Variants in PBX1 observed in about 807,000 individuals in gnomAD.
The protein encoded by PBX1 is pre-B-cell leukemia transcription factor 1.
PBX1 carries 6 observed loss-of-function variants against 53.4 expected under a neutral mutation model. The observed-to-expected ratio is 0.11, with a 90% CI of 0.06 to 0.22. PBX1 has a LOEUF of 0.22. PBX1 is among the 10% of genes least tolerant of loss of function. The pLI is 1.00. For missense variants in PBX1, 251 were observed against 551.4 expected, an observed-to-expected ratio of 0.46 and a Z score of 5.46; for synonymous variants, 204 against 212.3, an observed-to-expected ratio of 0.96 and a Z score of 0.34.
At chr1:164,652,094 T>TTG (rs1659863348) in intron 2 of PBX1, 1 of 151,842 alleles carries the variant, frequency 6.6e-6, no homozygotes, top group Admixed American at 6.6e-5. Context: ...AGGGAGTCTC[T>TTG]GTCACCAGGC....
Position 164,591,286 on chromosome 1 carries a change from A to G in PBX1, c.265+27975A>G, listed in dbSNP as rs148239943. On this transcript the variant is annotated intron_variant, in intron 2 of 8. Coordinates refer to ENST00000420696, the MANE Select transcript of PBX1 (RefSeq NM_002585.4). ...CTCAGCTTCCCAAAGTGCTGGGATT[A>G]CAGGCGTCAGCCACCGCTCCTGGCC... Among the ~76,000 whole-genome samples, 932 of 152,282 alleles carry G rather than the reference A, an allele frequency of 6.1e-3. 8 individuals carry two copies. Among genetic ancestry groups the G allele is most frequent in the African/African-American group, 0.02 (845 of 41,552 alleles).
intron 2 of PBX1, chr1:164,703,332 A>G (rs1571251768): frequency 6.6e-6 from 1 of 152,200 alleles, no homozygotes; most frequent in African/African-American, 2.4e-5. Context: ...ATCTGTTCTT[A>G]TCTTCTGTGC....
rs1022531991 is a variant in PBX1, at chr1:164,616,117, C to T, written c.265+52806C>T. On this transcript the variant is annotated intron_variant, in intron 2 of 8. Coordinates refer to ENST00000420696, the MANE Select transcript of PBX1 (RefSeq NM_002585.4). ...AAGTTGGCTTAGTCTCTCTCTCTCT[C>T]TCCACCTCTGGAGTGGCAGCTGTGT... Among the ~76,000 whole-genome samples the T allele has an allele frequency of 6.6e-5, 10 of 152,208 alleles. No individual in the cohort carries two copies. In the East Asian group the frequency reaches 1.2e-3, roughly 18 times the overall value.
chr1:164,584,968 G>T (rs886850800), intron 2 of PBX1, among the ~76,000 whole-genome samples: 1 of 152,020 alleles, frequency 6.6e-6, no homozygotes, highest in Non-Finnish European at 1.5e-5. Context: ...CCCATCAGAT[G>T]AACCAAAATA....
chr1:164,864,780 G>T (rs1672178873), intron 2 of PBX1, among the ~76,000 whole-genome samples: 1 of 152,216 alleles, frequency 6.6e-6, no homozygotes. Flanking sequence ...TCAGAAGGCA[G>T]AAGTGAGCCT....
At chr1:164,727,633 A>T (rs1357198041) in intron 2 of PBX1, among the ~76,000 whole-genome samples, 1 of 152,244 alleles carries the variant, frequency 6.6e-6, no homozygotes, top group Non-Finnish European at 1.5e-5. Context: ...GTCCCCATGC[A>T]CTAGAGATGA....
At chr1:164,860,772 A>T (rs1193601161) in intron 2 of PBX1, among the ~76,000 whole-genome samples, 2 of 152,106 alleles carry the variant, frequency 1.3e-5, no homozygotes, top group Non-Finnish European at 2.9e-5. Flanking sequence ...CTCCCCACAT[A>T]AATTACTAGA....
chr1:164,660,755 A>T (rs1474028322), intron 2 of PBX1, among the ~76,000 whole-genome samples: 1 of 152,186 alleles, frequency 6.6e-6, no homozygotes, highest in South Asian at 2.1e-4. Flanking sequence ...AAAACCAAAC[A>T]TAGGATGATT....
At chr1:164,667,228 G>C (rs1427897498) in intron 2 of PBX1, among the ~76,000 whole-genome samples, 1 of 152,044 alleles carries the variant, frequency 6.6e-6, no homozygotes, top group African/African-American at 2.4e-5. Context: ...CTTGCACTGG[G>C]CGTGTATTTA....
intron 2 of PBX1, among the ~76,000 whole-genome samples, chr1:164,687,561 TAA>T (rs5778407): frequency 0.24 from 25,934 of 110,068 alleles, 2,859 homozygotes; most frequent in East Asian, 0.34. Flanking sequence ...AGACCTTGTC[TAA>T]AAAAAAAAAA....
intron 2 of PBX1, among the ~76,000 whole-genome samples, chr1:164,739,719 G>A (rs1036993629): frequency 1.3e-5 from 2 of 151,454 alleles, no homozygotes; most frequent in Non-Finnish European, 2.9e-5. Context: ...GATTGGACAC[G>A]GTTCCTGCTG....
At chr1:164,708,648 G>T (rs1289586858) in intron 2 of PBX1, among the ~76,000 whole-genome samples, 1 of 152,184 alleles carries the variant, frequency 6.6e-6, no homozygotes, top group African/African-American at 2.4e-5. Flanking sequence ...TGAATGTGCA[G>T]TATTTGATTT....
rs947666553 is a variant in PBX1 at position 164,767,741 on chromosome 1, G to A, written c.266-24753G>A. Among the ~76,000 whole-genome samples the A allele has an allele frequency of 2.0e-5, 3 of 152,170 alleles. No individual in the cohort carries two copies. In the East Asian group the frequency reaches 5.8e-4, roughly 29 times the overall value. On this transcript the variant is annotated intron_variant, in intron 2 of 8. Transcript: ENST00000420696. ...TTATAAGTTTATTATTATAAGTGTA[G>A]ATAAGGCTCATTCTTATGTAGAGGT...
chr1:164,836,896 A>G (rs1671065604), intron 8 of PBX1, among the ~76,000 whole-genome samples: 1 of 152,224 alleles, frequency 6.6e-6, no homozygotes, highest in African/African-American at 2.4e-5. Context: ...GAGGCTGCCA[A>G]CGGAGCCTTT....
chr1:164,703,184 T>C (rs1663231494), intron 2 of PBX1: 1 of 152,096 alleles, frequency 6.6e-6, no homozygotes, highest in African/African-American at 2.4e-5. Context: ...GGTGATCATA[T>C]TGACATCAAA....
At chr1:164,667,634 G>T (rs960970351) in intron 2 of PBX1, among the ~76,000 whole-genome samples, 6 of 152,170 alleles carry the variant, frequency 3.9e-5, no homozygotes, top group African/African-American at 1.4e-4. Flanking sequence ...GGCATTCAAA[G>T]ATTTAATATT....
At chr1:164,699,743 T>C (rs529887685) in intron 2 of PBX1, among the ~76,000 whole-genome samples, 1 of 152,290 alleles carries the variant, frequency 6.6e-6, no homozygotes, top group East Asian at 1.9e-4. Context: ...ATTCTTCTTC[T>C]CGTTGCTCCC....
intron 2 of PBX1, chr1:164,787,695 TC>T (rs1668276467): frequency 6.6e-6 from 1 of 152,176 alleles, no homozygotes; most frequent in African/African-American, 2.4e-5. Context: ...GCTGTGACAG[TC>T]CCTTTATCTT....
At chr1:164,587,090 T>A (rs1158593868) in intron 2 of PBX1, among the ~76,000 whole-genome samples, 1 of 152,186 alleles carries the variant, frequency 6.6e-6, no homozygotes, top group African/African-American at 2.4e-5. Context: ...GTTGTTTGTG[T>A]GTGTGTGTCC....
Sources: gnomAD v4.1 joint callset for allele counts (sites outside exome capture counted in the v4.1 genomes callset) on GRCh38, gnomAD v4.1.1 for gene constraint, MANE v1.5 for transcripts, NCBI Gene and HGNC (gene_info 2026-07-23, HGNC 2026-07-21) for gene names.